CENPE: variants seen among roughly 807,000 people sequenced by gnomAD.
The protein encoded by CENPE is centromere protein E.
A neutral mutation model predicts 336.1 loss-of-function variants in CENPE; 145 were observed. That is an observed-to-expected ratio of 0.43 (90% CI 0.38 to 0.50). The LOEUF (loss-of-function observed/expected upper bound fraction) is 0.50. Among genes scored for constraint, CENPE ranks in the 20% least tolerant of loss-of-function variants. The pLI, the probability that CENPE is intolerant of heterozygous loss-of-function variation, is 0.00. For synonymous variants in CENPE, 1,013 were observed against 984.8 expected, an observed-to-expected ratio of 1.03 and a Z score of -0.54; for missense variants, 2,719 against 3,023.3, an observed-to-expected ratio of 0.90 and a Z score of 2.36.
intron 13 of CENPE, among the ~76,000 whole-genome samples, chr4:103,177,942 T>C (rs964199290): frequency 1.3e-5 from 2 of 152,062 alleles, no homozygotes; most frequent in African/African-American, 4.8e-5. Context: ...CTTGCTCTCA[T>C]TGCCGTTGCT....
intron 40 of CENPE, among the ~76,000 whole-genome samples, chr4:103,134,335 C>A (rs938738851): frequency 2.6e-5 from 4 of 152,064 alleles, no homozygotes; most frequent in African/African-American, 4.8e-5. Context: ...AAGTTACATG[C>A]CTCAAGACTT....
In CENPE at chr4:103,180,331, T is replaced by A. The variant is rs1756222538; in HGVS notation, c.1222A>T (p.Thr408Ser). 6.2e-7 allele frequency: 1 copy of A among 1,611,380 alleles called. No individual in the cohort carries two copies. The highest frequency in any genetic ancestry group is 1.3e-5 in the African/African-American group (1 of 74,812). Residue 408 changes from threonine (T) to serine (S), a missense_variant, in exon 13 of 49, where the codon ACG (threonine) becomes TCG (serine). By Grantham distance (58) the Thr-to-Ser change is moderately conservative (BLOSUM62 1). Transcript: ENST00000265148. ...TRMLVTSSSL[T>S]LQQELKAKRK... ...TTTACCTTTAATTCCTGTTGCAACGTGAGGGAAGAAGAGGTCACCAGCATC... is the reference window on the plus strand; with the variant it reads ...TTTACCTTTAATTCCTGTTGCAACGAGAGGGAAGAAGAGGTCACCAGCATC...
intron 24 of CENPE, among the ~76,000 whole-genome samples, chr4:103,155,944 T>C (rs1330205856): frequency 6.6e-6 from 1 of 152,186 alleles, no homozygotes; most frequent in Non-Finnish European, 1.5e-5. Context: ...AGCATTTCTG[T>C]ACACTAACAA....
At chr4:103,187,201 G>A (rs1423179864) in intron 8 of CENPE, among the ~76,000 whole-genome samples, 1 of 152,100 alleles carries the variant, frequency 6.6e-6, no homozygotes, top group Non-Finnish European at 1.5e-5. Context: ...TCACTTTCAG[G>A]CACACCAATC....
rs1453476848 is a variant in CENPE at position 103,125,154 on chromosome 4, CTT to C, written c.6925-2067_6925-2066del. ...ACAGGATGAACTTTCCAAGCGAAAA[CTT>C]TTTAAAAAAGGCATTGTTCCTTATT... On this transcript the variant is annotated intron_variant, in intron 42 of 48. Coordinates refer to ENST00000265148, the MANE Select transcript of CENPE (RefSeq NM_001813.3). Among the ~76,000 whole-genome samples, 4 of 152,094 alleles carry C rather than the reference CTT, an allele frequency of 2.6e-5. No homozygotes were observed. The East Asian group carries it at 7.7e-4, about 29-fold the overall frequency.
At chr4:103,112,631 T>C (rs1283069754) in intron 46 of CENPE, among the ~76,000 whole-genome samples, 1 of 131,380 alleles carries the variant, frequency 7.6e-6, no homozygotes, top group Non-Finnish European at 1.5e-5. Context: ...CTTGTAAGTA[T>C]ATATAAGTGG....
At chr4:103,140,672 A>G in intron 36 of CENPE, 142 bp downstream of exon 36, 2 of 683,902 alleles carry the variant, frequency 2.9e-6, no homozygotes, top group Non-Finnish European at 4.7e-6. Flanking sequence ...TTAGTTTTCC[A>G]TTATACAGAT....
At chr4:103,157,912 C>T (rs545326972) in intron 24 of CENPE, among the ~76,000 whole-genome samples, 17 of 151,818 alleles carry the variant, frequency 1.1e-4, no homozygotes, top group African/African-American at 4.1e-4. Flanking sequence ...ATTACTGTTA[C>T]CAATATATCT....
chr4:103,159,949 C>G (rs2615539), intron 21 of CENPE, among the ~76,000 whole-genome samples: 68,170 of 151,574 alleles, frequency 0.45, 16,053 homozygotes, highest in African/African-American at 0.6. Flanking sequence ...AAAGTAAAGA[C>G]GGGCAATACA....
chr4:103,116,742 T>A (rs1279623085), intron 44 of CENPE, 53 bp from the exon 45 acceptor site: 2 of 918,396 alleles, frequency 2.2e-6, no homozygotes, highest in Admixed American at 2.8e-5. Context: ...CTTCAGTTTC[T>A]CCAGTTGTAA....
At chr4:103,172,133 C>T (rs1206481175) in intron 16 of CENPE, among the ~76,000 whole-genome samples, 1 of 151,828 alleles carries the variant, frequency 6.6e-6, no homozygotes, top group African/African-American at 2.4e-5. Context: ...CAGCATTACA[C>T]TGATACCAAA....
At chr4:103,163,367 T>A in intron 17 of CENPE, 111 bp from the exon 18 acceptor site, 1 of 1,273,022 alleles carries the variant, frequency 7.9e-7, no homozygotes, top group Non-Finnish European at 1.1e-6. Flanking sequence ...TCAAAGTCAC[T>A]AATATTTTAA....
rs1246856746 is a variant in CENPE, at chr4:103,182,742, G to A, written c.963+20C>T. 1.3e-6 allele frequency: 2 copies of A among 1,576,810 alleles called. No individual in the cohort carries two copies. Among genetic ancestry groups the A allele is most frequent in the Non-Finnish European group, 1.7e-6 (2 of 1,159,846 alleles). On this transcript the variant is annotated intron_variant, in intron 11 of 48. Transcript: ENST00000265148. ...AGCTGATCTTCCCCTATATTAAGCT[G>A]AGATAAAAATCAAACTCACCTGGAG...
At chr4:103,166,394 C>T (rs1050621265) in intron 16 of CENPE, among the ~76,000 whole-genome samples, 1 of 152,134 alleles carries the variant, frequency 6.6e-6, no homozygotes, top group Admixed American at 6.5e-5. Flanking sequence ...CCAGTCCCTT[C>T]CATAAAACCT....
chr4:103,184,993 T>C (rs1368660035), intron 9 of CENPE, among the ~76,000 whole-genome samples: 1 of 152,120 alleles, frequency 6.6e-6, no homozygotes, highest in African/African-American at 2.4e-5. Flanking sequence ...TTTGTTTGTG[T>C]CCTTCAAGTC....
At chr4:103,192,015 T>C (rs1198154726) in intron 8 of CENPE, among the ~76,000 whole-genome samples, 2 of 152,028 alleles carry the variant, frequency 1.3e-5, no homozygotes, top group South Asian at 2.1e-4. Context: ...CAGAGGAGAC[T>C]GCTTGTAAGA....
chr4:103,124,905 C>T (rs1407384858), intron 42 of CENPE, among the ~76,000 whole-genome samples: 2 of 152,178 alleles, frequency 1.3e-5, no homozygotes, highest in African/African-American at 4.8e-5. Context: ...AATGCCTACT[C>T]TTATGTGCTG....
At position 103,149,126 on chromosome 4, in the gene CENPE, C is replaced by T; in HGVS notation, c.3679G>A (p.Glu1227Lys). The T allele has an allele frequency of 1.9e-6, 3 of 1,586,340 alleles. No homozygotes were observed. Among genetic ancestry groups the T allele is most frequent in the Non-Finnish European group, 2.6e-6 (3 of 1,173,104 alleles). Reference sequence around the variant, plus strand: ...AAAAGGGTATAACTTACTGTAGCTTCAATTTCTCTTATATATCCTCTAAGG... The same window carrying T: ...AAAAGGGTATAACTTACTGTAGCTTTAATTTCTCTTATATATCCTCTAAGG... ...DHLRGYIREI[E>K]ATGLQTKEEL... is the part of the protein sequence containing the mutation. Residue 1227 changes from glutamate to lysine, a missense_variant, in exon 27 of 49, where the codon GAA becomes AAA. Glu to Lys is a moderately conservative substitution (Grantham distance 56). Coordinates refer to ENST00000265148, the MANE Select transcript of CENPE (RefSeq NM_001813.3).
At chr4:103,193,217 T>G (rs777875755) in intron 8 of CENPE, among the ~76,000 whole-genome samples, 9 of 152,032 alleles carry the variant, frequency 5.9e-5, no homozygotes, top group Admixed American at 3.3e-4. Context: ...AAAGCTAAAT[T>G]ATTAAAAGTT....
Sources: allele counts gnomAD v4.1 joint callset (sites outside exome capture counted in the v4.1 genomes callset), GRCh38; gene constraint gnomAD v4.1.1; transcripts MANE v1.5; gene names NCBI Gene and HGNC (gene_info 2026-07-23, HGNC 2026-07-21).